SLC15A1: variants seen among roughly 807,000 people sequenced by gnomAD.
SLC15A1 encodes solute carrier family 15 member 1.
Under a neutral mutation model 92.9 loss-of-function variants are expected in SLC15A1, and 83 were observed. That is an observed-to-expected ratio of 0.89 (90% confidence interval 0.75 to 1.07). The LOEUF is 1.07. Ranked by LOEUF, SLC15A1 falls within the 50% of genes least tolerant of loss-of-function variation. SLC15A1 has a pLI of 0.00. For synonymous variants in SLC15A1, 322 were observed against 318.2 expected (o/e 1.01, Z -0.13); for missense variants, 857 against 880.1 (o/e 0.97, Z 0.33).
intron 11 of SLC15A1, among the ~76,000 whole-genome samples, chr13:98,710,589 G>A (rs1251876425): frequency 5.9e-5 from 9 of 152,048 alleles, no homozygotes; most frequent in South Asian, 2.1e-4. Context: ...GCCGAGGCGC[G>A]TGGATCACCT....
At chr13:98,706,518 G>T (rs1395186896) in intron 15 of SLC15A1, among the ~76,000 whole-genome samples, 1 of 152,216 alleles carries the variant, frequency 6.6e-6, no homozygotes, top group Non-Finnish European at 1.5e-5. Context: ...CCCGGGTGTT[G>T]TGGGAGGGAA....
At chr13:98,711,709 G>A in intron 11 of SLC15A1, 145 bp downstream of exon 11, 2 of 598,742 alleles carry the variant, frequency 3.3e-6, no homozygotes, top group Non-Finnish European at 5.9e-6. Flanking sequence ...AACTCAATGT[G>A]ATCTAACAAT....
intron 18 of SLC15A1, among the ~76,000 whole-genome samples, chr13:98,700,484 C>CAAAA (rs56342746): frequency 0.099 from 5,047 of 50,806 alleles, 758 homozygotes; most frequent in East Asian, 0.37. Flanking sequence ...GACCCTGTCT[C>CAAAA]AAAAAAAAAA....
chr13:98,749,069 G>A (rs1391950007), intron 1 of SLC15A1, among the ~76,000 whole-genome samples: 1 of 152,226 alleles, frequency 6.6e-6, no homozygotes, highest in Non-Finnish European at 1.5e-5. Context: ...GAGTTCCCCC[G>A]AAGGTCATAT....
At chr13:98,746,428 T>C (rs2088493683) in intron 1 of SLC15A1, among the ~76,000 whole-genome samples, 1 of 152,024 alleles carries the variant, frequency 6.6e-6, no homozygotes, top group African/African-American at 2.4e-5. Flanking sequence ...CTTGGAGGAG[T>C]TGTCACAATG....
chr13:98,742,546 G>A (rs1460283640), intron 1 of SLC15A1, among the ~76,000 whole-genome samples: 1 of 152,130 alleles, frequency 6.6e-6, no homozygotes, highest in Non-Finnish European at 1.5e-5. Flanking sequence ...ATGGAAATGT[G>A]GCCTTTCACA....
At chr13:98,718,222 A>G (rs1233713879) in intron 8 of SLC15A1, among the ~76,000 whole-genome samples, 2 of 146,676 alleles carry the variant, frequency 1.4e-5, no homozygotes, top group Non-Finnish European at 3.0e-5. Flanking sequence ...CAAGCAAGTT[A>G]TAGATACGTA....
chr13:98,751,695 C>G (rs1040467070), intron 1 of SLC15A1, among the ~76,000 whole-genome samples: 1 of 152,232 alleles, frequency 6.6e-6, no homozygotes, highest in Non-Finnish European at 1.5e-5. Context: ...ATTCTGAGAG[C>G]CAGAGGACGG....
chr13:98,689,587 AG>A (rs1423945049), intron 18 of SLC15A1, among the ~76,000 whole-genome samples: 2 of 152,178 alleles, frequency 1.3e-5, no homozygotes, highest in African/African-American at 4.8e-5. Context: ...CTGGGACTAC[AG>A]GTGTGTGCCA....
At chr13:98,701,667 A>ATTTTT (rs34078820) in intron 18 of SLC15A1, among the ~76,000 whole-genome samples, 2 of 115,562 alleles carry the variant, frequency 1.7e-5, no homozygotes, top group Non-Finnish European at 3.4e-5. Context: ...TACTCAGCTA[A>ATTTTT]TTTTTTTTTT....
At chr13:98,704,486 A>C (rs1384717846) in intron 16 of SLC15A1, 51 bp from the exon 17 acceptor site, 1 of 1,530,720 alleles carries the variant, frequency 6.5e-7, no homozygotes, top group South Asian at 1.2e-5. Context: ...TCTCGGCACT[A>C]TGCAACTGAA....
chr13:98,717,115 C>T (rs1456739429), intron 8 of SLC15A1, among the ~76,000 whole-genome samples: 1 of 152,098 alleles, frequency 6.6e-6, no homozygotes, highest in African/African-American at 2.4e-5. Context: ...TATCCAATAC[C>T]ACAGTTCAAT....
chr13:98,745,310 G>A (rs1432981272), intron 1 of SLC15A1, among the ~76,000 whole-genome samples: 1 of 152,186 alleles, frequency 6.6e-6, no homozygotes, highest in African/African-American at 2.4e-5. Context: ...CACTACAAAT[G>A]TTTTCTACCT....
At chr13:98,707,042 T>C (rs569516914) in intron 15 of SLC15A1, among the ~76,000 whole-genome samples, 8 of 152,312 alleles carry the variant, frequency 5.3e-5, no homozygotes, top group African/African-American at 1.9e-4. Flanking sequence ...CACAAATGCC[T>C]GATGCTCTCC....
chr13:98,684,565 A>G lies in SLC15A1; in HGVS notation c.*159T>C, dbSNP rs1235177958. ...TGTCTCAAAAAAAAAAAAAAAAAAA[A>G]AAAGAAAAGAAAAAGAAAAAAGAAA... is the stretch of plus-strand genomic sequence containing the variant. On this transcript the variant is annotated 3_prime_UTR_variant, in exon 23 of 23. Coordinates refer to ENST00000376503, the MANE Select transcript of SLC15A1 (RefSeq NM_005073.4). The G allele has an allele frequency of 2.4e-5, 11 of 463,532 alleles. No homozygotes were observed. Among genetic ancestry groups the G allele is most frequent in the East Asian group, 1.0e-4 (3 of 29,490 alleles). 28.7% of individuals were successfully genotyped at this position (463,532 alleles called of 1,614,324 possible). A position where few individuals can be genotyped will look rare whatever the true frequency, so the allele number is the denominator to read the frequency against.
intron 1 of SLC15A1, among the ~76,000 whole-genome samples, chr13:98,747,588 C>A (rs952943480): frequency 3.3e-5 from 5 of 152,028 alleles, no homozygotes; most frequent in African/African-American, 4.8e-5. Flanking sequence ...AATTATTAAT[C>A]AAAAAAACCC....
At chr13:98,692,078 A>C (rs1354382055) in intron 18 of SLC15A1, among the ~76,000 whole-genome samples, 1 of 151,292 alleles carries the variant, frequency 6.6e-6, no homozygotes, top group African/African-American at 2.4e-5. Flanking sequence ...CATCTCAAAA[A>C]GAAAAAAAAA....
chr13:98,723,876 G>A (rs368844812), intron 5 of SLC15A1, 36 bp downstream of exon 5: 1 of 1,613,206 alleles, frequency 6.2e-7, no homozygotes. Flanking sequence ...GCACAAGGTG[G>A]GAGGGTGATG....
intron 9 of SLC15A1, 71 bp from the exon 10 acceptor site, chr13:98,712,655 A>C: frequency 8.9e-7 from 1 of 1,122,748 alleles, no homozygotes. Flanking sequence ...CATTTCAATT[A>C]AACTACCTTT....
Sources: allele counts gnomAD v4.1 joint callset (sites outside exome capture counted in the v4.1 genomes callset), GRCh38; gene constraint gnomAD v4.1.1; transcripts MANE v1.5; gene names NCBI Gene and HGNC (gene_info 2026-07-23, HGNC 2026-07-21).